Variants in UNC5D observed in about 807,000 individuals in gnomAD.
UNC5D encodes the protein netrin receptor UNC5D.
Under a neutral mutation model 105.4 loss-of-function variants are expected in UNC5D, and 39 were observed. That is an observed-to-expected ratio of 0.37 (90% CI 0.29 to 0.48). The LOEUF is 0.48. UNC5D is among the 20% of genes least tolerant of loss of function. The pLI is 0.98. For synonymous variants in UNC5D, 452 were observed against 450.4 expected (o/e 1.00, Z -0.04); for missense variants, 991 against 1,202.4 (o/e 0.82, Z 2.60).
intron 1 of UNC5D, among the ~76,000 whole-genome samples, chr8:35,454,523 A>G (rs1267873659): frequency 6.6e-6 from 1 of 152,142 alleles, no homozygotes; most frequent in Admixed American, 6.6e-5. Context: ...TCATCAGCAG[A>G]GACAAGAAAG....
intron 1 of UNC5D, among the ~76,000 whole-genome samples, chr8:35,393,002 T>C (rs2128942388): frequency 6.6e-6 from 1 of 152,198 alleles, no homozygotes; most frequent in African/African-American, 2.4e-5. Context: ...AAAAATCTTT[T>C]CTGGGGTGAT....
chr8:35,739,195 C>A (rs1026379237), intron 11 of UNC5D, among the ~76,000 whole-genome samples: 4 of 152,064 alleles, frequency 2.6e-5, no homozygotes, highest in Non-Finnish European at 5.9e-5. Flanking sequence ...GTTAATGCAC[C>A]TTTAGCTGAA....
intron 8 of UNC5D, among the ~76,000 whole-genome samples, chr8:35,713,495 A>G (rs531710332): frequency 2.6e-5 from 4 of 152,286 alleles, no homozygotes; most frequent in African/African-American, 2.4e-5. Context: ...ATTACATTCA[A>G]TTTTCAAAGA....
chr8:35,611,010 C>CA (rs11314770), intron 4 of UNC5D, among the ~76,000 whole-genome samples: 3,049 of 59,908 alleles, frequency 0.051, 102 homozygotes, highest in African/African-American at 0.1. Flanking sequence ...GACAAAGAAG[C>CA]AAAAAAAAAA....
chr8:35,331,999 C>T (rs1810665185), intron 1 of UNC5D, among the ~76,000 whole-genome samples: 1 of 152,156 alleles, frequency 6.6e-6, no homozygotes, highest in Non-Finnish European at 1.5e-5. Flanking sequence ...AGGTAGTAAA[C>T]TCATCTTCTA....
chr8:35,396,370 T>A (rs2128945718), intron 1 of UNC5D, among the ~76,000 whole-genome samples: 1 of 152,090 alleles, frequency 6.6e-6, no homozygotes, highest in South Asian at 2.1e-4. Flanking sequence ...CAGTCAAGGG[T>A]CCTCTTCCAG....
chr8:35,630,042 T>C (rs577892382), intron 4 of UNC5D, among the ~76,000 whole-genome samples: 12 of 152,388 alleles, frequency 7.9e-5, no homozygotes, highest in Admixed American at 5.2e-4. Context: ...AATAATTTCA[T>C]TGATATTTAC....
At chr8:35,725,078 A>C (rs1303693980) in intron 9 of UNC5D, among the ~76,000 whole-genome samples, 1 of 152,234 alleles carries the variant, frequency 6.6e-6, no homozygotes. Context: ...TAGATTTCCT[A>C]CTGGCGTTGC....
chr8:35,509,925 G>T (rs972135105), intron 1 of UNC5D, among the ~76,000 whole-genome samples: 2 of 152,148 alleles, frequency 1.3e-5, no homozygotes, highest in African/African-American at 2.4e-5. Context: ...ACTTAGGTTT[G>T]CTGGTTATTA....
At chr8:35,759,277 G>C in intron 13 of UNC5D, 43 bp from the exon 14 acceptor site, 7 of 1,600,784 alleles carry the variant, frequency 4.4e-6, no homozygotes, top group Non-Finnish European at 6.0e-6. Context: ...TAAGTAGCAG[G>C]ATATTTCATT....
chr8:35,564,649 A>G (rs906501930), intron 2 of UNC5D, among the ~76,000 whole-genome samples: 2 of 152,164 alleles, frequency 1.3e-5, no homozygotes, highest in African/African-American at 2.4e-5. Context: ...GGTTACACGG[A>G]TGAATTGTAT....
At chr8:35,304,247 C>T (rs1042380429) in intron 1 of UNC5D, among the ~76,000 whole-genome samples, 3 of 151,926 alleles carry the variant, frequency 2.0e-5, no homozygotes, top group African/African-American at 7.3e-5. Flanking sequence ...AGACATGGTT[C>T]TCAGGGAAGA....
chr8:35,751,426 A>G (rs1830278592), intron 13 of UNC5D, among the ~76,000 whole-genome samples: 1 of 152,214 alleles, frequency 6.6e-6, no homozygotes. Context: ...TACAAAGGCA[A>G]TCTAGTCTCC....
At chr8:35,373,293 G>A (rs533422172) in intron 1 of UNC5D, among the ~76,000 whole-genome samples, 14 of 152,250 alleles carry the variant, frequency 9.2e-5, no homozygotes, top group African/African-American at 1.4e-4. Flanking sequence ...GTGCCCCACC[G>A]TTCAGTGACA....
intron 1 of UNC5D, among the ~76,000 whole-genome samples, chr8:35,297,918 C>G (rs1807619944): frequency 6.6e-6 from 1 of 152,078 alleles, no homozygotes; most frequent in Non-Finnish European, 1.5e-5. Flanking sequence ...TGGGAGGTTT[C>G]TTTGGTGTCT....
chr8:35,445,451 T>C (rs1411468359), intron 1 of UNC5D, among the ~76,000 whole-genome samples: 6 of 152,124 alleles, frequency 3.9e-5, no homozygotes, highest in African/African-American at 1.4e-4. Flanking sequence ...GTCATAAGTG[T>C]GCTTCTGAGT....
At chr8:35,742,069 T>C (rs868839182) in intron 11 of UNC5D, among the ~76,000 whole-genome samples, 4 of 152,180 alleles carry the variant, frequency 2.6e-5, no homozygotes, top group Non-Finnish European at 5.9e-5. Context: ...CAGGAGTCTG[T>C]TTTCTTAAAT....
chr8:35,237,609 C>G (rs999564225), intron 1 of UNC5D, among the ~76,000 whole-genome samples: 6 of 152,126 alleles, frequency 3.9e-5, no homozygotes, highest in Non-Finnish European at 8.8e-5. Context: ...GCTAGCACCT[C>G]TTGTCTGCAA....
chr8:35,740,715 C>A (rs1829715190), intron 11 of UNC5D, among the ~76,000 whole-genome samples: 1 of 152,120 alleles, frequency 6.6e-6, no homozygotes, highest in Admixed American at 6.6e-5. Flanking sequence ...TTCCTTCTTC[C>A]TTCTACTGCC....
Sources: allele counts gnomAD v4.1 joint callset (sites outside exome capture counted in the v4.1 genomes callset), GRCh38; gene constraint gnomAD v4.1.1; transcripts MANE v1.5; gene names NCBI Gene and HGNC (gene_info 2026-07-23, HGNC 2026-07-21).